Variants in CCSER1 observed in about 807,000 individuals in gnomAD.
CCSER1 encodes the protein coiled-coil serine rich protein 1.
A neutral mutation model predicts 82.0 loss-of-function variants in CCSER1; 41 were observed. The ratio of observed to expected loss-of-function variants is 0.50; its 90% CI spans 0.39 to 0.65. The LOEUF is 0.65. Among genes scored for constraint, CCSER1 ranks in the 30% least tolerant of loss-of-function variants. CCSER1 has a pLI of 0.00. For missense variants in CCSER1, 1,119 were observed against 1,064.2 expected, an observed-to-expected ratio of 1.05 and a Z score of -0.72; for synonymous variants, 414 against 383.9, an observed-to-expected ratio of 1.08 and a Z score of -0.92.
chr4:90,462,298 C>T (rs772354717), intron 4 of CCSER1, among the ~76,000 whole-genome samples: 17 of 151,914 alleles, frequency 1.1e-4, no homozygotes, highest in Non-Finnish European at 1.9e-4. Context: ...TTTTGGAGAC[C>T]GGTTAGGTAA....
At chr4:90,482,678 G>A (rs994654141) in intron 5 of CCSER1, among the ~76,000 whole-genome samples, 24 of 152,202 alleles carry the variant, frequency 1.6e-4, no homozygotes, top group South Asian at 4.2e-4. Context: ...GTAGTTGAGC[G>A]GTTTTGAGTG....
intron 10 of CCSER1, among the ~76,000 whole-genome samples, chr4:91,365,262 G>A (rs944757756): frequency 2.6e-5 from 4 of 152,142 alleles, no homozygotes; most frequent in Middle Eastern, 3.2e-3. Context: ...ATCCATGCGT[G>A]CATCATACAT....
chr4:90,380,507 AAAGATAC>A (rs1214338942), intron 3 of CCSER1, among the ~76,000 whole-genome samples: 4 of 152,170 alleles, frequency 2.6e-5, no homozygotes, highest in Non-Finnish European at 5.9e-5. Flanking sequence ...TTATGTACGG[AAAGATAC>A]AATATTTAGC....
At chr4:90,809,372 A>G (rs553943834) in intron 7 of CCSER1, among the ~76,000 whole-genome samples, 21 of 152,048 alleles carry the variant, frequency 1.4e-4, no homozygotes, top group Admixed American at 1.2e-3. Context: ...GTGGAATACT[A>G]TTTAGCCATA....
At chr4:91,215,155 T>C (rs1378499068) in intron 10 of CCSER1, among the ~76,000 whole-genome samples, 2 of 152,178 alleles carry the variant, frequency 1.3e-5, no homozygotes, top group Admixed American at 1.3e-4. Flanking sequence ...TGTACCTATA[T>C]ATGGTGAGCC....
rs867905415 is a variant in CCSER1 at position 91,194,665 on chromosome 4, T to C, written c.2217+108671T>C. Among the ~76,000 whole-genome samples the C allele has an allele frequency of 2.6e-5, 4 of 151,306 alleles. No homozygotes were observed. In the South Asian group the frequency reaches 6.2e-4, roughly 24 times the overall value. On this transcript the variant is annotated intron_variant, in intron 10 of 10. Transcript: ENST00000509176. Reference sequence around the variant, plus strand: ...TTTGTTTCATTATACCAAATGCACATGGTAGAGAACACACACACACACACA... The same window carrying C: ...TTTGTTTCATTATACCAAATGCACACGGTAGAGAACACACACACACACACA...
At chr4:90,363,076 C>A (rs533928806) in intron 3 of CCSER1, among the ~76,000 whole-genome samples, 1 of 151,998 alleles carries the variant, frequency 6.6e-6, no homozygotes, top group African/African-American at 2.4e-5. Flanking sequence ...ATTCTGTTAT[C>A]CCTCTTTTAC....
intron 5 of CCSER1, among the ~76,000 whole-genome samples, chr4:90,587,336 G>A (rs545155491): frequency 3.3e-5 from 5 of 152,292 alleles, no homozygotes; most frequent in African/African-American, 1.2e-4. Flanking sequence ...TGCCTGGCCG[G>A]ATGCAGTGAT....
intron 10 of CCSER1, among the ~76,000 whole-genome samples, chr4:91,473,408 C>G (rs566749057): frequency 1.3e-5 from 2 of 152,034 alleles, no homozygotes; most frequent in Non-Finnish European, 2.9e-5. Context: ...GAACAGAGAT[C>G]AAGTACTGGT....
chr4:90,887,252 A>T (rs1722265154), intron 8 of CCSER1, among the ~76,000 whole-genome samples: 1 of 151,954 alleles, frequency 6.6e-6, no homozygotes, highest in Non-Finnish European at 1.5e-5. Context: ...AAATAACAAA[A>T]CTCACCTTTT....
chr4:91,558,769 G>A (rs1048128580), intron 10 of CCSER1, among the ~76,000 whole-genome samples: 1 of 151,470 alleles, frequency 6.6e-6, no homozygotes, highest in African/African-American at 2.4e-5. Context: ...GGGAAAGACT[G>A]GCCCCCATGG....
chr4:91,285,247 G>GT lies in CCSER1; in HGVS notation c.2217+199270dup, dbSNP rs35662705. ...AAAACCATAGCAAAAACTTCAATGG[G>GT]TTTTTTTTTTTTTTTTTAAGATGTG... On this transcript the variant is annotated intron_variant, in intron 10 of 10. Transcript: ENST00000509176. 7.4e-3 allele frequency among the ~76,000 whole-genome samples: 990 copies of GT among 133,496 alleles called. 7 individuals are homozygous for GT. The highest frequency in any genetic ancestry group is 0.016 in the African/African-American group (582 of 37,326). 87.6% of individuals were successfully genotyped at this position (133,496 alleles called of 152,430 possible). A position where few individuals can be genotyped will look rare whatever the true frequency, so the allele number is the denominator to read the frequency against.
At chr4:90,463,660 CT>C (rs1054348610) in intron 4 of CCSER1, among the ~76,000 whole-genome samples, 4 of 150,970 alleles carry the variant, frequency 2.6e-5, no homozygotes, top group Admixed American at 1.3e-4. Flanking sequence ...AAAGCAAATT[CT>C]TTTTTTTTAA....
chr4:90,806,634 G>C (rs1410698678), intron 7 of CCSER1, among the ~76,000 whole-genome samples: 1 of 152,136 alleles, frequency 6.6e-6, no homozygotes, highest in African/African-American at 2.4e-5. Context: ...TCCAGATGAA[G>C]TTCAAGCTCA....
chr4:90,486,599 T>C (rs976895647), intron 5 of CCSER1, among the ~76,000 whole-genome samples: 2 of 152,346 alleles, frequency 1.3e-5, no homozygotes, highest in African/African-American at 4.8e-5. Flanking sequence ...AAACCTCATT[T>C]CTACTTTCTA....
At chr4:90,969,129 A>G (rs1294273667) in intron 9 of CCSER1, among the ~76,000 whole-genome samples, 1 of 151,700 alleles carries the variant, frequency 6.6e-6, no homozygotes, top group Admixed American at 6.6e-5. Flanking sequence ...AAAAAAGAAC[A>G]CAAAAGAGTT....
At chr4:90,263,470 T>G (rs1724698243) in intron 1 of CCSER1, among the ~76,000 whole-genome samples, 1 of 152,180 alleles carries the variant, frequency 6.6e-6, no homozygotes, top group African/African-American at 2.4e-5. Flanking sequence ...TGCTGGCTTT[T>G]TCAAATGCTG....
At chr4:91,307,681 A>G (rs1340876192) in intron 10 of CCSER1, among the ~76,000 whole-genome samples, 1 of 152,026 alleles carries the variant, frequency 6.6e-6, no homozygotes, top group Non-Finnish European at 1.5e-5. Flanking sequence ...TTGAGAGAAT[A>G]GAAAAGAACA....
intron 1 of CCSER1, among the ~76,000 whole-genome samples, chr4:90,276,193 TC>T (rs1727519118): frequency 2.8e-5 from 1 of 35,486 alleles, no homozygotes; most frequent in African/African-American, 1.0e-4. Context: ...CTGTTTTCTT[TC>T]TTTCTTTCTT....
Sources: allele counts gnomAD v4.1 joint callset (sites outside exome capture counted in the v4.1 genomes callset), GRCh38; gene constraint gnomAD v4.1.1; transcripts MANE v1.5; gene names NCBI Gene and HGNC (gene_info 2026-07-23, HGNC 2026-07-21).